The following IGF1 variants were observed in gnomAD, a reference collection of about 807,000 sequenced individuals.
IGF1 encodes insulin-like growth factor 1.
A neutral mutation model predicts 13.8 loss-of-function variants in IGF1; 4 were observed. The observed-to-expected ratio is 0.29, with a 90% confidence interval of 0.14 to 0.66. The LOEUF (loss-of-function observed/expected upper bound fraction) is 0.66, where lower values mean the gene tolerates loss of function less well. IGF1 is among the 30% of genes least tolerant of loss of function. The pLI, the probability that IGF1 is intolerant of heterozygous loss-of-function variation, is 0.78. For missense variants in IGF1, 124 were observed against 188.5 expected, an observed-to-expected ratio of 0.66 and a Z score of 2.00; for synonymous variants, 76 against 72.6, an observed-to-expected ratio of 1.05 and a Z score of -0.23.
intron 2 of IGF1, among the ~76,000 whole-genome samples, chr12:102,459,489 G>T (rs966934565): frequency 1.3e-4 from 20 of 151,852 alleles, no homozygotes; most frequent in African/African-American, 4.8e-4. Context: ...CAGTAAATAG[G>T]TAACAGCTGT....
In IGF1 at chr12:102,472,200, C is replaced by G. The variant is rs1049518687; in HGVS notation, c.220+3443G>C. On this transcript the variant is annotated intron_variant, in intron 2 of 3. Coordinates refer to ENST00000337514, the MANE Select transcript of IGF1 (RefSeq NM_000618.5). ...GTAATTAGCTCTTCATTGGGTCTTT[C>G]ATTTCATAAAATGTCTAGGGAAGCT... 3.9e-5 allele frequency among the ~76,000 whole-genome samples: 6 copies of G among 152,106 alleles called. No homozygotes were observed. The South Asian group carries it at 1.0e-3, about 26-fold the overall frequency.
At chr12:102,406,534 G>T (rs534076635) in intron 3 of IGF1, among the ~76,000 whole-genome samples, 1 of 152,272 alleles carries the variant, frequency 6.6e-6, no homozygotes, top group East Asian at 1.9e-4. Flanking sequence ...ACGAAGGTAA[G>T]ACTATTAAGA....
At chr12:102,402,912 G>C (rs983557640) in intron 3 of IGF1, among the ~76,000 whole-genome samples, 1 of 152,038 alleles carries the variant, frequency 6.6e-6, no homozygotes, top group African/African-American at 2.4e-5. Flanking sequence ...TCCTTTCCTA[G>C]TAAGAAAAAA....
chr12:102,468,115 G>A (rs1189578286), intron 2 of IGF1, among the ~76,000 whole-genome samples: 1 of 152,308 alleles, frequency 6.6e-6, no homozygotes, highest in East Asian at 1.9e-4. Context: ...CAATAATCAG[G>A]TTCTTGGGTA....
chr12:102,449,386 G>A (rs1878706077), intron 2 of IGF1, among the ~76,000 whole-genome samples: 1 of 151,386 alleles, frequency 6.6e-6, no homozygotes. Flanking sequence ...CACACAGTGG[G>A]GCCAGTCGGG....
At chr12:102,445,709 C>G (rs1565987825) in intron 2 of IGF1, among the ~76,000 whole-genome samples, 1 of 152,126 alleles carries the variant, frequency 6.6e-6, no homozygotes. Context: ...TCCTTTCTTC[C>G]TATTTGAAAA....
intron 2 of IGF1, among the ~76,000 whole-genome samples, chr12:102,454,083 C>T (rs562360969): frequency 9.9e-5 from 15 of 152,282 alleles, no homozygotes; most frequent in Non-Finnish European, 1.5e-5. Context: ...AACACCCAAA[C>T]AACTGGCTGG....
At chr12:102,466,314 C>T (rs1880306697) in intron 2 of IGF1, among the ~76,000 whole-genome samples, 1 of 152,210 alleles carries the variant, frequency 6.6e-6, no homozygotes, top group Non-Finnish European at 1.5e-5. Flanking sequence ...CTAATTGCCT[C>T]TCTTCTGGAG....
intron 2 of IGF1, among the ~76,000 whole-genome samples, chr12:102,436,130 ATAT>A (rs924009066): frequency 2.0e-5 from 3 of 152,214 alleles, no homozygotes; most frequent in Non-Finnish European, 4.4e-5. Context: ...GAAGGAAAAA[ATAT>A]TATAACCCTT....
intron 2 of IGF1, among the ~76,000 whole-genome samples, chr12:102,455,257 C>T (rs1879292630): frequency 6.6e-6 from 1 of 152,228 alleles, no homozygotes. Context: ...GTGCAGTTAA[C>T]AAAGTGACAT....
chr12:102,396,905 T>G lies in IGF1; in HGVS notation c.*5602A>C, dbSNP rs572369841. On this transcript the variant is annotated 3_prime_UTR_variant, in exon 4 of 4. Transcript: ENST00000337514. The stretch of plus-strand genomic sequence containing the variant: ...GTTTAAGATCCATGTAATCATACAT[T>G]AAGAGGGAACACATGGGCAGGGTGT... 5.0e-6 allele frequency: 2 copies of G among 398,372 alleles called. No individual in the cohort carries two copies. Among genetic ancestry groups the G allele is most frequent in the Admixed American group, 8.8e-5 (2 of 22,712 alleles). 24.7% of individuals were successfully genotyped at this position (398,372 alleles called of 1,614,324 possible).
intron 2 of IGF1, among the ~76,000 whole-genome samples, chr12:102,439,815 A>G (rs1877555482): frequency 6.6e-6 from 1 of 152,182 alleles, no homozygotes; most frequent in African/African-American, 2.4e-5. Flanking sequence ...AGCACCAGGC[A>G]TAAGAAGAGT....
At chr12:102,452,700 T>G (rs1454050410) in intron 2 of IGF1, among the ~76,000 whole-genome samples, 2 of 152,186 alleles carry the variant, frequency 1.3e-5, no homozygotes, top group South Asian at 2.1e-4. Flanking sequence ...AGTGTACTTT[T>G]TAAAAAGATA....
chr12:102,411,684 A>G (rs1049436652), intron 3 of IGF1, among the ~76,000 whole-genome samples: 2 of 152,328 alleles, frequency 1.3e-5, no homozygotes, highest in East Asian at 3.9e-4. Flanking sequence ...TTATCTTCAT[A>G]TGGGCATTTT....
At chr12:102,463,801 G>A (rs1024049910) in intron 2 of IGF1, among the ~76,000 whole-genome samples, 2 of 152,166 alleles carry the variant, frequency 1.3e-5, no homozygotes, top group African/African-American at 4.8e-5. Flanking sequence ...AAAGAGCTCT[G>A]GACCAAGCAT....
At chr12:102,425,359 C>T (rs1160020119) in intron 2 of IGF1, among the ~76,000 whole-genome samples, 2 of 152,062 alleles carry the variant, frequency 1.3e-5, no homozygotes, top group African/African-American at 4.8e-5. Context: ...TTTTAATTGC[C>T]AGTGTTTGCT....
chr12:102,449,778 C>T (rs1839800144), intron 2 of IGF1, among the ~76,000 whole-genome samples: 1 of 151,448 alleles, frequency 6.6e-6, no homozygotes, highest in African/African-American at 2.4e-5. Flanking sequence ...TCTTTTACAG[C>T]CCTATAATTC....
At chr12:102,426,542 A>G (rs1876222574) in intron 2 of IGF1, among the ~76,000 whole-genome samples, 1 of 152,186 alleles carries the variant, frequency 6.6e-6, no homozygotes, top group Admixed American at 6.5e-5. Context: ...GTTCTCTTGA[A>G]AGAATGTCCA....
chr12:102,402,353 AT>A lies in IGF1; in HGVS notation c.*153del, dbSNP rs5031032. On this transcript the variant is annotated 3_prime_UTR_variant, in exon 4 of 4. Transcript: ENST00000337514. ...AATCACTCCTAAAGACAATGTTGGA[AT>A]GTTTACTTGTGTATTTCATTGGGGG... 30 of 738,986 alleles carry A rather than the reference AT, an allele frequency of 4.1e-5. 1 individual carries two copies. Among genetic ancestry groups the A allele is most frequent in the Admixed American group, 5.5e-5 (3 of 54,676 alleles). 45.8% of individuals were successfully genotyped at this position (738,986 alleles called of 1,614,324 possible).
Sources: allele counts gnomAD v4.1 joint callset (sites outside exome capture counted in the v4.1 genomes callset), GRCh38; gene constraint gnomAD v4.1.1; transcripts MANE v1.5; gene names NCBI Gene and HGNC (gene_info 2026-07-23, HGNC 2026-07-21).